The following NPC1 variants were observed in gnomAD, a reference collection of about 807,000 sequenced individuals.
NPC1 encodes the protein NPC intracellular cholesterol transporter 1.
In NPC1, 85 loss-of-function variants were observed where a neutral mutation model predicts 140.4. The ratio of observed to expected loss-of-function variants is 0.61; its 90% CI spans 0.51 to 0.72. The LOEUF is 0.72. Ranked by LOEUF, NPC1 falls within the 30% of genes least tolerant of loss-of-function variation. The pLI is 0.00. For missense variants in NPC1, 1,504 were observed against 1,623.8 expected (o/e 0.93, Z 1.27); for synonymous variants, 656 against 624.8 (o/e 1.05, Z -0.74).
intron 13 of NPC1, 151 bp downstream of exon 13, chr18:23,544,193 T>A (rs1158528260): frequency 5.3e-6 from 4 of 748,234 alleles, no homozygotes; most frequent in Non-Finnish European, 7.0e-6. Context: ...TCCTAAGATG[T>A]CCACAGCAAG....
In NPC1 at chr18:23,544,335, GAAGTAT is replaced by G; in HGVS notation, c.2130+3_2130+8del. The G allele has an allele frequency of 6.2e-7, 1 of 1,613,688 alleles. No homozygotes were observed. Among genetic ancestry groups the G allele is most frequent in the Non-Finnish European group, 8.5e-7 (1 of 1,179,710 alleles). On this transcript the variant is annotated splice_donor_5th_base_variant and intron_variant, in intron 13 of 24. Transcript: ENST00000269228. ...AGATGCTGAGCCCTGTGAGAATATG[GAAGTAT>G]ACCTGGTAGGCCTGCACCAGAATGA...
intron 6 of NPC1, among the ~76,000 whole-genome samples, chr18:23,557,596 A>AATAC (rs1363903450): frequency 1.3e-5 from 2 of 152,166 alleles, no homozygotes; most frequent in African/African-American, 4.8e-5. Context: ...CTCTACTAAA[A>AATAC]ATACAAAAAG....
Position 23,568,977 on chromosome 18 carries a change from G to A in NPC1, c.309C>T (p.Asn103=). 1.2e-6 allele frequency: 2 copies of A among 1,613,630 alleles called. No homozygotes were observed. The highest frequency in any genetic ancestry group is 1.7e-4 in the Middle Eastern group (1 of 5,930). ...FLSRCPSCFY[N]LLNLFCELTC... Reference sequence around the variant, plus strand: ...TCAGCTCACAAAACAGGTTCAGTAGGTTATAAAAACAGGATGGACATCTAA... The same window carrying A: ...TCAGCTCACAAAACAGGTTCAGTAGATTATAAAAACAGGATGGACATCTAA... The change falls in exon 4 of 25, where the codon AAC becomes AAT. Residue 103 remains asparagine (N), a synonymous_variant. Coordinates refer to ENST00000269228, the MANE Select transcript of NPC1 (RefSeq NM_000271.5).
chr18:23,509,176 T>C, intron 3 of NPC1: 1 of 1,190,682 alleles, frequency 8.4e-7, no homozygotes, highest in Non-Finnish European at 1.1e-6. Context: ...AAAATATTTT[T>C]AAAAAATTTT....
Position 23,544,407 on chromosome 18 carries a change from G to C in NPC1, c.2067C>G (p.Val689=). 1.2e-6 allele frequency: 2 copies of C among 1,614,148 alleles called. No homozygotes were observed. Among genetic ancestry groups the C allele is most frequent in the Non-Finnish European group, 1.7e-6 (2 of 1,180,026 alleles). The change falls in exon 13 of 25, where the codon GTC becomes GTG. Residue 689 remains valine, a synonymous_variant. Transcript: ENST00000269228. ...GLPLTLIVIE[V]IPFLVLAVGV... ...CAACAGCCAGCACCAGGAACGGGAT[G>C]ACTTCAATCACAATGAGGGTCAAGG...
intron 22 of NPC1, among the ~76,000 whole-genome samples, chr18:23,535,034 G>A (rs967464360): frequency 3.3e-5 from 5 of 152,098 alleles, no homozygotes; most frequent in African/African-American, 9.7e-5. Flanking sequence ...CTCCTGGGGC[G>A]GGGTGCAATT....
At chr18:23,529,461 A>C, downstream of NPC1, 1 of 1,275,662 alleles carries the variant, frequency 7.8e-7, no homozygotes. Context: ...TCTAATGCTG[A>C]GGCCTAAAGC....
intron 1 of NPC1, chr18:23,577,007 G>A (rs1291298345): frequency 6.6e-6 from 1 of 152,300 alleles, no homozygotes; most frequent in Non-Finnish European, 1.5e-5. Flanking sequence ...ACATCCTGCT[G>A]ATTGGTAGAG....
At chr18:23,558,327 G>A (rs1275414755) in intron 6 of NPC1, among the ~76,000 whole-genome samples, 7 of 152,148 alleles carry the variant, frequency 4.6e-5, no homozygotes, top group African/African-American at 1.4e-4. Flanking sequence ...AGTGATCAAG[G>A]TTAACATCAC....
intron 22 of NPC1, 37 bp from the exon 23 acceptor site, chr18:23,534,596 C>T: frequency 1.3e-6 from 2 of 1,534,382 alleles, no homozygotes; most frequent in Non-Finnish European, 1.8e-6. Flanking sequence ...GGCTCTCTTC[C>T]TGTTGAAGAC....
At chr18:23,565,466 A>G (rs770390788) in intron 4 of NPC1, among the ~76,000 whole-genome samples, 3 of 152,040 alleles carry the variant, frequency 2.0e-5, no homozygotes, top group Non-Finnish European at 1.5e-5. Context: ...AGTGATTCTC[A>G]TGCCTCAGCC....
intron 1 of NPC1, chr18:23,576,517 T>C: frequency 1.0e-6 from 1 of 998,240 alleles, no homozygotes; most frequent in Non-Finnish European, 1.2e-6. Context: ...GGCACTATTT[T>C]AAATGCTCTT....
chr18:23,518,820 G>T (rs890144324), downstream of NPC1: 2 of 1,377,624 alleles, frequency 1.5e-6, no homozygotes, highest in Non-Finnish European at 2.1e-6. Context: ...TTACTTAACC[G>T]TGATGCCATT....
At chr18:23,516,738 T>TA (rs1469807255) in intron 3 of NPC1, among the ~76,000 whole-genome samples, 3 of 151,882 alleles carry the variant, frequency 2.0e-5, no homozygotes, top group Non-Finnish European at 4.4e-5. Context: ...TTTTTTTTTT[T>TA]TTTTCGAGAC....
At chr18:23,574,343 C>T (rs1020411854) in intron 1 of NPC1, among the ~76,000 whole-genome samples, 2 of 152,120 alleles carry the variant, frequency 1.3e-5, no homozygotes, top group East Asian at 3.8e-4. Context: ...CCACAGAGGG[C>T]CCAGCTTGCC....
At chr18:23,538,453 T>A in intron 20 of NPC1, 89 bp downstream of exon 20, 1 of 1,510,838 alleles carries the variant, frequency 6.6e-7, no homozygotes, top group Non-Finnish European at 9.2e-7. Context: ...GACGTTCCCA[T>A]GCAACTGTCT....
At chr18:23,534,362 G>A in intron 23 of NPC1, 84 bp downstream of exon 23, 1 of 937,180 alleles carries the variant, frequency 1.1e-6, no homozygotes, top group South Asian at 1.3e-5. Context: ...TGCTTTGTAA[G>A]TACAGGATCC....
chr18:23,583,882 G>C (rs561897550), intron 1 of NPC1, among the ~76,000 whole-genome samples: 1 of 152,250 alleles, frequency 6.6e-6, no homozygotes, highest in African/African-American at 2.4e-5. Context: ...GGGAAAGATG[G>C]GGAAAGATTT....
At chr18:23,530,465 C>T (rs772715965), downstream of NPC1, 8 of 1,614,210 alleles carry the variant, frequency 5.0e-6, no homozygotes, top group South Asian at 1.1e-5. Flanking sequence ...AAGGTTTATC[C>T]GGGGCATTGG....
Sources: allele counts gnomAD v4.1 joint callset (sites outside exome capture counted in the v4.1 genomes callset), GRCh38; gene constraint gnomAD v4.1.1; transcripts MANE v1.5; gene names NCBI Gene and HGNC (gene_info 2026-07-23, HGNC 2026-07-21).